The following OTOG variants were observed in gnomAD, a reference collection of about 807,000 sequenced individuals.
The protein encoded by OTOG is otogelin.
A neutral mutation model predicts 313.8 loss-of-function variants in OTOG; 296 were observed. The observed-to-expected ratio is 0.94, with a 90% confidence interval of 0.86 to 1.04. OTOG has a LOEUF of 1.04. Among genes scored for constraint, OTOG ranks in the 50% least tolerant of loss-of-function variants. OTOG has a pLI of 0.00. For synonymous variants in OTOG, 1,533 were observed against 1,554.9 expected, an observed-to-expected ratio of 0.99 and a Z score of 0.33; for missense variants, 3,948 against 3,840.1, an observed-to-expected ratio of 1.03 and a Z score of -0.74.
chr11:17,561,908 C>A (rs1392200975), intron 15 of OTOG, 101 bp downstream of exon 15: 15 of 1,383,656 alleles, frequency 1.1e-5, no homozygotes, highest in East Asian at 2.5e-5. Flanking sequence ...CTTCCCATGG[C>A]CCCCACCTGC....
At chr11:17,584,346 G>A (rs1852742835) in intron 23 of OTOG, among the ~76,000 whole-genome samples, 1 of 152,170 alleles carries the variant, frequency 6.6e-6, no homozygotes, top group South Asian at 2.1e-4. Context: ...TTGAATAGAA[G>A]TGATGGAAGT....
chr11:17,603,520 G>A (rs957532654), intron 32 of OTOG, among the ~76,000 whole-genome samples: 2 of 152,154 alleles, frequency 1.3e-5, no homozygotes, highest in African/African-American at 4.8e-5. Context: ...CGTCACTGGG[G>A]GCAGGATGCC....
intron 10 of OTOG, 63 bp downstream of exon 10, chr11:17,558,707 G>T: frequency 6.8e-7 from 1 of 1,462,922 alleles, no homozygotes. Flanking sequence ...CTCAGCACAC[G>T]GGCCATCAAA....
chr11:17,609,136 A>G lies in OTOG; in HGVS notation c.4281A>G (p.Glu1427=). 1.3e-6 allele frequency: 2 copies of G among 1,550,466 alleles called. No individual in the cohort carries two copies. The highest frequency in any genetic ancestry group is 1.7e-6 in the Non-Finnish European group (2 of 1,146,862). The change falls in exon 35 of 56, where the codon GAA becomes GAG. Residue 1427 remains glutamate, a synonymous_variant. Coordinates refer to ENST00000399397, the MANE Select transcript of OTOG (RefSeq NM_001292063.2). The part of the protein sequence containing the change: ...AASCRDVPRV[E]GCVPVCPTPQ... ...CTCCCTGCTCTGTCCTCAGGGTAGAAGGCTGTGTCCCTGTGTGCCCCACCC... is the reference window on the plus strand; with the variant it reads ...CTCCCTGCTCTGTCCTCAGGGTAGAGGGCTGTGTCCCTGTGTGCCCCACCC...
chr11:17,556,510 C>A (rs1326290782), intron 7 of OTOG, among the ~76,000 whole-genome samples: 2 of 152,222 alleles, frequency 1.3e-5, no homozygotes, highest in African/African-American at 4.8e-5. Context: ...CTGTCCTCAT[C>A]TCCTGCTTCA....
At position 17,547,283 on chromosome 11, in the gene OTOG, G is replaced by A. The variant is rs1406680887; in HGVS notation, c.-90G>A. On this transcript the variant is annotated 5_prime_UTR_variant, in exon 1 of 56. Transcript: ENST00000399397. ...CATGAGAACAAGAGGGACCTCGGCT[G>A]CGGAGTGGAGGTGTGACCCTGCCTT... 6.7e-5 allele frequency: 74 copies of A among 1,102,650 alleles called. No individual in the cohort carries two copies. Among genetic ancestry groups the A allele is most frequent in the Non-Finnish European group, 8.4e-5 (72 of 856,346 alleles). The allele number at this position is 1,102,650 out of a possible 1,614,324, so 68.3% of individuals were successfully genotyped here.
intron 26 of OTOG, 66 bp downstream of exon 26, chr11:17,593,393 G>C: frequency 6.6e-7 from 1 of 1,525,672 alleles, no homozygotes; most frequent in Non-Finnish European, 8.9e-7. Context: ...GGGCAGAAGA[G>C]GGCTGAGGAC....
rs764556781 is a variant in OTOG, at chr11:17,645,852, C to T, written c.8650C>T (p.Arg2884Trp). ...GTGCTGCCGTGAGGTGGGCCTGCAG[C>T]GGCGCTCTGTGCAGCTCTTCTGTGC... Reference protein sequence around the residue: ...CKCCREVGLQRRSVQLFCATN... With the variant: ...CKCCREVGLQWRSVQLFCATN... The change falls in exon 56 of 56, where the codon CGG (arginine) becomes TGG (tryptophan). Residue 2884 changes from arginine to tryptophan, a missense_variant. Physicochemically the swap from Arg to Trp is moderately radical, Grantham distance 101. Coordinates refer to ENST00000399397, the MANE Select transcript of OTOG (RefSeq NM_001292063.2). 59 of 1,550,774 alleles carry T rather than the reference C, an allele frequency of 3.8e-5. No individual in the cohort carries two copies. The highest frequency in any genetic ancestry group is 2.5e-4 in the South Asian group (21 of 84,066).
intron 31 of OTOG, among the ~76,000 whole-genome samples, chr11:17,601,909 T>C (rs1054132140): frequency 6.6e-6 from 1 of 152,172 alleles, no homozygotes; most frequent in African/African-American, 2.4e-5. Flanking sequence ...GTGGGAAGGC[T>C]GTGGAGAGAC....
In OTOG at chr11:17,558,619, GCC is replaced by G. The variant is rs1231679383; in HGVS notation, c.1079_1080del (p.Ala360GlufsTer5). 4 of 1,550,220 alleles carry G rather than the reference GCC, an allele frequency of 2.6e-6. No homozygotes were observed. Among genetic ancestry groups the G allele is most frequent in the Non-Finnish European group, 3.5e-6 (4 of 1,147,010 alleles). The part of the protein sequence containing the change: ...HAYVSPLPFT[A>X]SCTSDLCQSM... ...CTACGTCAGCCCTCTGCCCTTCACA[GCC>G]AGTTGTACCAGTGATCTCTGCCAGT... is the stretch of plus-strand genomic sequence containing the variant. On this transcript the variant is annotated frameshift_variant, in exon 10 of 56. Transcript: ENST00000399397. LOFTEE classifies it high-confidence loss of function.
intron 32 of OTOG, 74 bp downstream of exon 32, chr11:17,602,451 G>A (rs1853279327): frequency 1.4e-6 from 2 of 1,466,786 alleles, no homozygotes; most frequent in Admixed American, 2.2e-5. Context: ...GGGTGCTGAG[G>A]CCCTAAGTAT....
chr11:17,600,842 G>A (rs1853232198), intron 31 of OTOG, among the ~76,000 whole-genome samples: 1 of 152,198 alleles, frequency 6.6e-6, no homozygotes, highest in Non-Finnish European at 1.5e-5. Flanking sequence ...GCTGTTTCTA[G>A]CATCTTCCAC....
rs147627342 is a variant in OTOG, at chr11:17,616,345, C to A, written c.6528+2644C>A. On this transcript the variant is annotated intron_variant, in intron 39 of 55. Transcript: ENST00000399397. ...GTGCTAGAATTACAGGCGTGAGCCA[C>A]CGTGCCTGGCCTAGCTATTCTAATT... 4.2e-3 allele frequency among the ~76,000 whole-genome samples: 635 copies of A among 152,338 alleles called. 3 individuals carry two copies. The highest frequency in any genetic ancestry group is 0.015 in the African/African-American group (611 of 41,570).
intron 22 of OTOG, among the ~76,000 whole-genome samples, chr11:17,578,019 G>A (rs1355492305): frequency 1.3e-5 from 2 of 152,150 alleles, no homozygotes; most frequent in Non-Finnish European, 2.9e-5. Context: ...GTGACTTTGG[G>A]GAGGAGGAGA....
chr11:17,620,123 A>G (rs1853828032), intron 39 of OTOG, among the ~76,000 whole-genome samples: 1 of 152,222 alleles, frequency 6.6e-6, no homozygotes, highest in Non-Finnish European at 1.5e-5. Flanking sequence ...AGCATTTTAA[A>G]GTGAACAATT....
intron 23 of OTOG, 145 bp from the exon 24 acceptor site, chr11:17,586,329 G>A (rs1852793189): frequency 2.5e-6 from 1 of 403,198 alleles, no homozygotes; most frequent in South Asian, 1.2e-4. Flanking sequence ...AGCAGCAGCA[G>A]GATGGGGAGT....
chr11:17,604,879 T>C (rs1853343608), intron 32 of OTOG, among the ~76,000 whole-genome samples: 1 of 152,228 alleles, frequency 6.6e-6, no homozygotes, highest in Admixed American at 6.5e-5. Context: ...GCAGCTGTGA[T>C]TATTAACATG....
intron 40 of OTOG, among the ~76,000 whole-genome samples, 182 bp downstream of exon 40, chr11:17,629,498 G>A (rs1362396027): frequency 6.6e-6 from 1 of 152,214 alleles, no homozygotes; most frequent in African/African-American, 2.4e-5. Flanking sequence ...TGCCAGTAGG[G>A]AGATAGTAGA....
At chr11:17,639,281 T>C in intron 48 of OTOG, 142 bp from the exon 49 acceptor site, 1 of 826,510 alleles carries the variant, frequency 1.2e-6, no homozygotes. Context: ...GATTTGGGCC[T>C]CTTCCTCTCC....
Sources: allele counts gnomAD v4.1 joint callset (sites outside exome capture counted in the v4.1 genomes callset), GRCh38; gene constraint gnomAD v4.1.1; transcripts MANE v1.5; gene names NCBI Gene and HGNC (gene_info 2026-07-23, HGNC 2026-07-21).